Variants in SLC38A9 observed in about 807,000 individuals in gnomAD.
The protein encoded by SLC38A9 is neutral amino acid transporter 9.
SLC38A9 carries 48 observed loss-of-function variants against 62.3 expected under a neutral mutation model. The ratio of observed to expected loss-of-function variants is 0.77; its 90% CI spans 0.61 to 0.98. The LOEUF (loss-of-function observed/expected upper bound fraction) is 0.98. Among genes scored for constraint, SLC38A9 ranks in the 50% least tolerant of loss-of-function variants. The pLI is 0.00. For missense variants in SLC38A9, 541 were observed against 679.8 expected, an observed-to-expected ratio of 0.80 and a Z score of 2.27; for synonymous variants, 204 against 227.7, an observed-to-expected ratio of 0.90 and a Z score of 0.94.
intron 2 of SLC38A9, among the ~76,000 whole-genome samples, chr5:55,706,946 CTTT>C (rs574012429): frequency 6.9e-6 from 1 of 144,470 alleles, no homozygotes; most frequent in Non-Finnish European, 1.5e-5. Flanking sequence ...GATATGCTTT[CTTT>C]TTTTTTTTTT....
intron 3 of SLC38A9, among the ~76,000 whole-genome samples, chr5:55,684,869 G>A (rs1753534627): frequency 6.6e-6 from 1 of 152,118 alleles, no homozygotes; most frequent in Admixed American, 6.6e-5. Flanking sequence ...GGCCAGGCTA[G>A]TCTCGAACTC....
intron 8 of SLC38A9, among the ~76,000 whole-genome samples, chr5:55,659,880 G>C (rs4326104): frequency 0.6 from 91,426 of 151,158 alleles, 28,282 homozygotes; most frequent in South Asian, 0.71. Flanking sequence ...ATTCTCCTGC[G>C]TCAGCCTCCC....
At chr5:55,693,809 CCAA>C (rs1454790900) in intron 3 of SLC38A9, among the ~76,000 whole-genome samples, 1 of 152,102 alleles carries the variant, frequency 6.6e-6, no homozygotes, top group Admixed American at 6.6e-5. Context: ...ACCTGTAATC[CCAA>C]CACTTTGGGA....
chr5:55,685,869 T>C (rs776582598), intron 3 of SLC38A9, among the ~76,000 whole-genome samples: 1 of 152,182 alleles, frequency 6.6e-6, no homozygotes, highest in Non-Finnish European at 1.5e-5. Context: ...CACTTAAAAG[T>C]GAGTACATGT....
chr5:55,708,071 C>T (rs1242566116), intron 2 of SLC38A9, among the ~76,000 whole-genome samples: 4 of 152,178 alleles, frequency 2.6e-5, no homozygotes, highest in African/African-American at 9.7e-5. Context: ...TACCTAGCCT[C>T]AAGTATTTCA....
At position 55,669,586 on chromosome 5, in the gene SLC38A9, T is replaced by C. The variant is rs1750962448; in HGVS notation, c.403A>G (p.Ile135Val). The part of the protein sequence containing the change: ...MIWNTMMGTS[I>V]LSIPWGIKQA... ...TTTATGCCCCAAGGAATGCTTAGTA[T>C]AGATGTTCCCATCATGGTATTCCAA... Residue 135 changes from isoleucine (I) to valine (V), a missense_variant, in exon 6 of 16, where the codon ATA becomes GTA. Transcript: ENST00000396865. 3 of 1,610,642 alleles carry C rather than the reference T, an allele frequency of 1.9e-6. No homozygotes were observed. The highest frequency in any genetic ancestry group is 1.7e-4 in the Middle Eastern group (1 of 6,020).
intron 8 of SLC38A9, among the ~76,000 whole-genome samples, chr5:55,661,525 C>T (rs1251521567): frequency 6.7e-6 from 1 of 149,052 alleles, no homozygotes; most frequent in Non-Finnish European, 1.5e-5. Flanking sequence ...AAATCCAGTG[C>T]AATGTCAATC....
intron 2 of SLC38A9, among the ~76,000 whole-genome samples, chr5:55,710,877 C>T (rs1408149184): frequency 6.6e-6 from 1 of 151,616 alleles, no homozygotes; most frequent in African/African-American, 2.4e-5. Context: ...CTCAGCCTCC[C>T]AAAGTGCTGG....
rs370969665 is a variant in SLC38A9 at position 55,635,627 on chromosome 5, C to G, written c.1198G>C (p.Val400Leu). Residue 400 changes from valine to leucine, a missense_variant, in exon 13 of 16, where the codon GTG becomes CTG. Val to Leu is a conservative substitution (Grantham distance 32). Coordinates refer to ENST00000396865, the MANE Select transcript of SLC38A9 (RefSeq NM_173514.4). ...CCAATATAGAGATAAGTTAATGTCA[C>G]CAGCATATAAGCAATGCACAAGTCC... ...VRDLCIAYML[V>L]TLTYLYIGVL... 85 of 1,613,762 alleles carry G rather than the reference C, an allele frequency of 5.3e-5. No individual in the cohort carries two copies. Among genetic ancestry groups the G allele is most frequent in the East Asian group, 8.9e-5 (4 of 44,842 alleles).
chr5:55,692,580 A>C, intron 3 of SLC38A9: 1 of 976,692 alleles, frequency 1.0e-6, no homozygotes, highest in Non-Finnish European at 1.2e-6. Flanking sequence ...CTTTCTTAAA[A>C]CATGCTTACC....
At position 55,712,302 on chromosome 5, in the gene SLC38A9, G is replaced by T. The variant is rs1207881513; in HGVS notation, c.-168C>A. ...AAATTCTCGCAATTTGCGACCGCGG[G>T]GCTCCTAGTCCAAACAGGAAGCGGC... On this transcript the variant is annotated 5_prime_UTR_variant, in exon 1 of 16. Coordinates refer to ENST00000396865, the MANE Select transcript of SLC38A9 (RefSeq NM_173514.4). 6.5e-6 allele frequency: 1 copy of T among 152,752 alleles called. No individual in the cohort carries two copies. The highest frequency in any genetic ancestry group is 1.5e-5 in the Non-Finnish European group (1 of 68,094). The allele number at this position is 152,752 out of a possible 1,614,324, so 9.5% of individuals were successfully genotyped here.
At chr5:55,653,389 A>G (rs889371472) in intron 9 of SLC38A9, among the ~76,000 whole-genome samples, 1 of 152,236 alleles carries the variant, frequency 6.6e-6, no homozygotes, top group Non-Finnish European at 1.5e-5. Context: ...ACACAATAAT[A>G]TAAAAAATAT....
At chr5:55,640,993 C>A (rs540287806) in intron 12 of SLC38A9, among the ~76,000 whole-genome samples, 3 of 151,916 alleles carry the variant, frequency 2.0e-5, no homozygotes, top group South Asian at 2.1e-4. Flanking sequence ...TGTGCCACCA[C>A]GCCCAGCTAA....
rs531828218 is a variant in SLC38A9 at position 55,691,151 on chromosome 5, A to G, written c.113+6695T>C. On this transcript the variant is annotated intron_variant, in intron 3 of 15. Transcript: ENST00000396865. ...GAGCACCTGAAATGTTCTCAGTTAG[A>G]AAAATCTTGAAACTTTTGGTTAGGA... The G allele has an allele frequency of 5.5e-5, 41 of 747,722 alleles. No homozygotes were observed. In the African/African-American group the frequency reaches 6.5e-4, roughly 12 times the overall value. 46.3% of individuals were successfully genotyped at this position (747,722 alleles called of 1,614,324 possible).
In SLC38A9 at chr5:55,669,776, T is replaced by G. The variant is rs1265205156; in HGVS notation, c.350A>C (p.Asn117Thr). The G allele has an allele frequency of 6.2e-7, 1 of 1,613,732 alleles. No homozygotes were observed. Reference sequence around the variant, plus strand: ...CACTCACATGGTTACTAAACTGGTGTTTTTACCGTATCCTTCAGTGTAACT... The same window carrying G: ...CACTCACATGGTTACTAAACTGGTGGTTTTACCGTATCCTTCAGTGTAACT... Reference protein sequence around the residue: ...LQSYTEGYGKNTSLVTIFMIW... With the variant: ...LQSYTEGYGKTTSLVTIFMIW... Residue 117 changes from asparagine to threonine, a missense_variant, in exon 5 of 16, where the codon AAC becomes ACC. Asn to Thr is a moderately conservative substitution (Grantham distance 65). Transcript: ENST00000396865.
chr5:55,633,585 GCTT>G (rs1426076067), intron 14 of SLC38A9, 166 bp downstream of exon 14: 1 of 787,840 alleles, frequency 1.3e-6, no homozygotes, highest in East Asian at 2.7e-5. Context: ...CAAGGGAGTG[GCTT>G]CTATTTTTAA....
chr5:55,663,548 C>A (rs1015405750), intron 8 of SLC38A9, among the ~76,000 whole-genome samples: 1 of 151,854 alleles, frequency 6.6e-6, no homozygotes, highest in African/African-American at 2.4e-5. Flanking sequence ...ACAGCCTGGC[C>A]AACATGGTAA....
rs377370509 is a variant in SLC38A9 at position 55,627,989 on chromosome 5, T to C, written c.1431-9A>G. 156 of 1,598,882 alleles carry C rather than the reference T, an allele frequency of 9.8e-5. No individual in the cohort carries two copies. The highest frequency in any genetic ancestry group is 1.3e-4 in the Non-Finnish European group (148 of 1,167,192). ...TCAGCACATGGAAAATGCTAGAAGT[T>C]GAGAAGAGAGTTTGGAAGAAAGAAA... On this transcript the variant is annotated splice_polypyrimidine_tract_variant and intron_variant, in intron 14 of 15. Coordinates refer to ENST00000396865, the MANE Select transcript of SLC38A9 (RefSeq NM_173514.4).
intron 3 of SLC38A9, among the ~76,000 whole-genome samples, chr5:55,679,642 G>T (rs991714919): frequency 2.0e-5 from 3 of 151,656 alleles, no homozygotes; most frequent in African/African-American, 7.3e-5. Context: ...GAGGCTTAAA[G>T]AATTATATAA....
Sources: allele counts gnomAD v4.1 joint callset (sites outside exome capture counted in the v4.1 genomes callset), GRCh38; gene constraint gnomAD v4.1.1; transcripts MANE v1.5; gene names NCBI Gene and HGNC (gene_info 2026-07-23, HGNC 2026-07-21).